DLGAP1: variants seen among roughly 807,000 people sequenced by gnomAD.
DLGAP1 encodes disks large-associated protein 1.
Under a neutral mutation model 90.8 loss-of-function variants are expected in DLGAP1, and 11 were observed. The ratio of observed to expected loss-of-function variants is 0.12; its 90% CI spans 0.08 to 0.20. The LOEUF is 0.20. DLGAP1 is among the 10% of genes least tolerant of loss of function. DLGAP1 has a pLI of 1.00. For synonymous variants in DLGAP1, 558 were observed against 540.7 expected (o/e 1.03, Z -0.44); for missense variants, 1,050 against 1,333.8 (o/e 0.79, Z 3.31).
At chr18:4,340,687 C>T (rs995668810) in intron 1 of DLGAP1, among the ~76,000 whole-genome samples, 1 of 151,776 alleles carries the variant, frequency 6.6e-6, no homozygotes, top group African/African-American at 2.4e-5. Context: ...CAGTTAGTAA[C>T]TTGGTTCTCT....
chr18:4,344,367 A>C (rs2081263779), intron 1 of DLGAP1, among the ~76,000 whole-genome samples: 1 of 152,170 alleles, frequency 6.6e-6, no homozygotes, highest in East Asian at 1.9e-4. Flanking sequence ...TGAGATGATA[A>C]AATTTAAAAT....
chr18:4,376,142 T>C (rs2082009874), intron 1 of DLGAP1, among the ~76,000 whole-genome samples: 1 of 152,184 alleles, frequency 6.6e-6, no homozygotes, highest in African/African-American at 2.4e-5. Flanking sequence ...ACTTAAATAA[T>C]GCTTGGCATC....
intron 7 of DLGAP1, among the ~76,000 whole-genome samples, chr18:3,592,378 A>C (rs2056296656): frequency 6.6e-6 from 1 of 152,222 alleles, no homozygotes; most frequent in African/African-American, 2.4e-5. Context: ...ATGCCAGACA[A>C]ATCAGCGGTC....
intron 1 of DLGAP1, among the ~76,000 whole-genome samples, chr18:4,234,517 T>C (rs2078364433): frequency 6.6e-6 from 1 of 152,196 alleles, no homozygotes; most frequent in African/African-American, 2.4e-5. Context: ...CCCTTCCTTC[T>C]GAGAACAATA....
intron 1 of DLGAP1, among the ~76,000 whole-genome samples, chr18:4,419,383 ATAAT>A (rs1368276628): frequency 1.3e-5 from 2 of 152,200 alleles, no homozygotes; most frequent in African/African-American, 4.8e-5. Flanking sequence ...AAAAACTGAA[ATAAT>A]TAATTGCCAG....
At chr18:4,256,335 G>A (rs1179263492) in intron 1 of DLGAP1, among the ~76,000 whole-genome samples, 2 of 152,186 alleles carry the variant, frequency 1.3e-5, no homozygotes, top group African/African-American at 4.8e-5. Context: ...AGGAGGTCGA[G>A]GTTACAGTGA....
chr18:4,184,155 T>C (rs1245230505), intron 1 of DLGAP1, among the ~76,000 whole-genome samples: 1 of 152,148 alleles, frequency 6.6e-6, no homozygotes, highest in Non-Finnish European at 1.5e-5. Flanking sequence ...CATAATTAAA[T>C]GAATTCAAAG....
intron 7 of DLGAP1, among the ~76,000 whole-genome samples, chr18:3,718,867 A>G (rs1162083037): frequency 9.4e-5 from 14 of 148,946 alleles, no homozygotes; most frequent in African/African-American, 3.2e-4. Context: ...TGGAGGTTGC[A>G]GTGAGCCGAG....
chr18:3,837,619 T>A (rs2068462891), intron 4 of DLGAP1, among the ~76,000 whole-genome samples: 1 of 151,272 alleles, frequency 6.6e-6, no homozygotes, highest in Non-Finnish European at 1.5e-5. Flanking sequence ...GAGGCCGAGG[T>A]TGGTAGATTG....
chr18:3,843,859 C>A (rs2068856782), intron 4 of DLGAP1, among the ~76,000 whole-genome samples: 1 of 152,132 alleles, frequency 6.6e-6, no homozygotes, highest in Non-Finnish European at 1.5e-5. Flanking sequence ...AAATTACAGG[C>A]ATTTCAAGAG....
chr18:3,700,571 C>T (rs1383343629), intron 7 of DLGAP1, among the ~76,000 whole-genome samples: 1 of 152,048 alleles, frequency 6.6e-6, no homozygotes, highest in African/African-American at 2.4e-5. Flanking sequence ...CCTATTCAGC[C>T]ATCTTGCCAG....
At chr18:4,099,354 T>C (rs1430614072) in intron 2 of DLGAP1, among the ~76,000 whole-genome samples, 1 of 86,818 alleles carries the variant, frequency 1.2e-5, no homozygotes, top group Non-Finnish European at 2.3e-5. Flanking sequence ...TATCTGTCTG[T>C]CTGTCTATCT....
At chr18:4,126,993 C>T (rs2076242423) in intron 2 of DLGAP1, among the ~76,000 whole-genome samples, 1 of 152,180 alleles carries the variant, frequency 6.6e-6, no homozygotes, top group Non-Finnish European at 1.5e-5. Flanking sequence ...ACTAACCCTT[C>T]AGTTCTGCCT....
chr18:4,138,941 A>G (rs148719128), intron 2 of DLGAP1, among the ~76,000 whole-genome samples: 45 of 152,168 alleles, frequency 3.0e-4, no homozygotes, highest in African/African-American at 1.1e-3. Flanking sequence ...TGCTCATAGT[A>G]GTCTCTAACG....
In DLGAP1 at chr18:3,926,427, C is replaced by T. The variant is rs932926272; in HGVS notation, c.-72-46287G>A. ...ATATATATATATATATATATACACA[C>T]ACACACACACACACACACATGCATG... On this transcript the variant is annotated intron_variant, in intron 3 of 12. Coordinates refer to ENST00000315677, the MANE Select transcript of DLGAP1 (RefSeq NM_004746.4). 6.0e-3 allele frequency among the ~76,000 whole-genome samples: 887 copies of T among 147,098 alleles called. 8 individuals are homozygous for T. Among genetic ancestry groups the T allele is most frequent in the African/African-American group, 0.021 (841 of 40,506 alleles).
At chr18:4,323,754 A>G (rs2080752069) in intron 1 of DLGAP1, among the ~76,000 whole-genome samples, 1 of 152,178 alleles carries the variant, frequency 6.6e-6, no homozygotes, top group Non-Finnish European at 1.5e-5. Context: ...GAAATTAAAC[A>G]AGCTGCTCCT....
chr18:3,903,366 T>A (rs979835677), intron 3 of DLGAP1, among the ~76,000 whole-genome samples: 2 of 152,298 alleles, frequency 1.3e-5, no homozygotes, highest in African/African-American at 2.4e-5. Context: ...ATCGTATTTT[T>A]AAAAATATTT....
chr18:3,837,340 C>T (rs1356419320), intron 4 of DLGAP1, among the ~76,000 whole-genome samples: 1 of 152,102 alleles, frequency 6.6e-6, no homozygotes, highest in Non-Finnish European at 1.5e-5. Flanking sequence ...CATATGGCCC[C>T]CTTTCAGATC....
intron 3 of DLGAP1, among the ~76,000 whole-genome samples, chr18:3,922,811 A>G (rs1017736658): frequency 4.6e-5 from 7 of 152,156 alleles, no homozygotes; most frequent in Admixed American, 6.5e-5. Flanking sequence ...CTTCAGATTT[A>G]ATAAATACTG....
Sources: gnomAD v4.1 joint callset for allele counts (sites outside exome capture counted in the v4.1 genomes callset) on GRCh38, gnomAD v4.1.1 for gene constraint, MANE v1.5 for transcripts, NCBI Gene and HGNC (gene_info 2026-07-23, HGNC 2026-07-21) for gene names.